CNTN3: variants seen among roughly 807,000 people sequenced by gnomAD.
CNTN3 encodes the protein contactin-3.
CNTN3 carries 60 observed loss-of-function variants against 119.1 expected under a neutral mutation model. That is an observed-to-expected ratio of 0.50 (90% CI 0.41 to 0.62). The LOEUF is 0.62. CNTN3 is among the 20% of genes least tolerant of loss of function. The pLI, the probability that CNTN3 is intolerant of heterozygous loss-of-function variation, is 0.00. For missense variants in CNTN3, 1,101 were observed against 1,242.4 expected, an observed-to-expected ratio of 0.89 and a Z score of 1.71; for synonymous variants, 450 against 438.7, an observed-to-expected ratio of 1.03 and a Z score of -0.32.
chr3:74,365,535 C>T (rs374304587), intron 9 of CNTN3, 31 bp downstream of exon 9: 39 of 1,612,672 alleles, frequency 2.4e-5, no homozygotes, highest in Non-Finnish European at 3.1e-5. Context: ...TACCAGGCCT[C>T]TAAACCCATT....
At chr3:74,437,828 C>T (rs968535389) in intron 4 of CNTN3, among the ~76,000 whole-genome samples, 4 of 151,900 alleles carry the variant, frequency 2.6e-5, no homozygotes, top group African/African-American at 7.3e-5. Context: ...GGTGGTATAT[C>T]TGAGTTTGGA....
chr3:74,592,125 T>C (rs1704713760), intron 1 of CNTN3, among the ~76,000 whole-genome samples: 2 of 151,756 alleles, frequency 1.3e-5, no homozygotes, highest in South Asian at 4.2e-4. Flanking sequence ...CATGAAGAAA[T>C]ACCACTGAGA....
At chr3:74,389,146 T>C (rs1008444910) in intron 5 of CNTN3, among the ~76,000 whole-genome samples, 3 of 152,220 alleles carry the variant, frequency 2.0e-5, no homozygotes, top group Non-Finnish European at 4.4e-5. Context: ...TATGAGTAGA[T>C]ATTTATAGGC....
chr3:74,363,608 G>C (rs924788552), intron 10 of CNTN3, among the ~76,000 whole-genome samples: 2 of 152,046 alleles, frequency 1.3e-5, no homozygotes, highest in Non-Finnish European at 2.9e-5. Flanking sequence ...AGGCTATATG[G>C]GGCCAATGGC....
chr3:74,338,179 C>T (rs999684722), intron 11 of CNTN3, among the ~76,000 whole-genome samples: 2 of 151,860 alleles, frequency 1.3e-5, no homozygotes, highest in Non-Finnish European at 2.9e-5. Flanking sequence ...GTCATATATG[C>T]CAACTATGGT....
chr3:74,473,594 C>G (rs1702603749), intron 4 of CNTN3, among the ~76,000 whole-genome samples: 1 of 152,126 alleles, frequency 6.6e-6, no homozygotes, highest in Non-Finnish European at 1.5e-5. Context: ...CTACTACATT[C>G]CAGGAAAACT....
At chr3:74,571,875 G>A (rs7429759) in intron 1 of CNTN3, among the ~76,000 whole-genome samples, 120,969 of 152,094 alleles carry the variant, frequency 0.8, 48,200 homozygotes, top group African/African-American at 0.82. Context: ...GTTTGTCTTC[G>A]CTCTTTCTGG....
intron 13 of CNTN3, among the ~76,000 whole-genome samples, chr3:74,312,100 G>A (rs1237530021): frequency 1.3e-5 from 2 of 152,090 alleles, no homozygotes; most frequent in East Asian, 1.9e-4. Context: ...CATGTTTCTG[G>A]TAGTTGTGGG....
intron 18 of CNTN3, among the ~76,000 whole-genome samples, chr3:74,296,200 T>C (rs1393105166): frequency 6.6e-6 from 1 of 152,184 alleles, no homozygotes; most frequent in Non-Finnish European, 1.5e-5. Context: ...TCATTTTTCA[T>C]GTTTGAACAG....
At position 74,493,188 on chromosome 3, in the gene CNTN3, A is replaced by T. The variant is rs374695275; in HGVS notation, c.182+6471T>A. Among the ~76,000 whole-genome samples, 4 of 152,276 alleles carry T rather than the reference A, an allele frequency of 2.6e-5. 1 individual carries two copies. Among genetic ancestry groups the T allele is most frequent in the Admixed American group, 2.0e-4 (3 of 15,270 alleles). ...AAACCACACTAGCATATGGAATAAC[A>T]ATAATGAATATAAACACAGATCTAT... On this transcript the variant is annotated intron_variant, in intron 3 of 22. Transcript: ENST00000263665.
intron 20 of CNTN3, among the ~76,000 whole-genome samples, chr3:74,282,968 C>T (rs974993498): frequency 6.6e-6 from 1 of 152,038 alleles, no homozygotes; most frequent in Admixed American, 6.6e-5. Context: ...AGATGAACTC[C>T]AGTTGAATAA....
intron 1 of CNTN3, among the ~76,000 whole-genome samples, chr3:74,555,564 C>T (rs1182398843): frequency 6.6e-6 from 1 of 152,174 alleles, no homozygotes; most frequent in East Asian, 1.9e-4. Context: ...GGTTGGTAGG[C>T]TATTAATTAT....
At chr3:74,476,707 AATG>A (rs1702662135) in intron 4 of CNTN3, among the ~76,000 whole-genome samples, 1 of 152,166 alleles carries the variant, frequency 6.6e-6, no homozygotes, top group African/African-American at 2.4e-5. Context: ...ATCAGAAAAT[AATG>A]ATACTCTGAA....
chr3:74,564,504 G>A (rs777733037), intron 1 of CNTN3, among the ~76,000 whole-genome samples: 3 of 151,460 alleles, frequency 2.0e-5, no homozygotes, highest in Non-Finnish European at 4.4e-5. Flanking sequence ...TACTGGAGAA[G>A]GGCAAAGGCA....
rs141723077 is a variant in CNTN3, at chr3:74,466,197, C to T, written c.358+20259G>A. Among the ~76,000 whole-genome samples the T allele has an allele frequency of 2.1e-3, 314 of 152,086 alleles. 1 individual carries two copies. Among genetic ancestry groups the T allele is most frequent in the African/African-American group, 7.2e-3 (298 of 41,504 alleles). On this transcript the variant is annotated intron_variant, in intron 4 of 22. Coordinates refer to ENST00000263665, the MANE Select transcript of CNTN3 (RefSeq NM_020872.3). ...TAGTGGGAGGGCAAGTGAGTCACACCAAGAGCAGAGAAAACTTAGGAAGAA... is the reference window on the plus strand; with the variant it reads ...TAGTGGGAGGGCAAGTGAGTCACACTAAGAGCAGAGAAAACTTAGGAAGAA...
intron 13 of CNTN3, among the ~76,000 whole-genome samples, chr3:74,312,126 T>C (rs2106641240): frequency 6.6e-6 from 1 of 152,008 alleles, no homozygotes; most frequent in Non-Finnish European, 1.5e-5. Context: ...AACAGACCAT[T>C]TTGAGATACA....
intron 2 of CNTN3, among the ~76,000 whole-genome samples, chr3:74,503,014 G>T (rs550950307): frequency 6.6e-6 from 1 of 152,284 alleles, no homozygotes; most frequent in Admixed American, 6.5e-5. Flanking sequence ...ATATGAGGCA[G>T]ATACTATTTT....
chr3:74,417,979 T>C (rs1464357439), intron 5 of CNTN3, among the ~76,000 whole-genome samples: 1 of 152,192 alleles, frequency 6.6e-6, no homozygotes, highest in African/African-American at 2.4e-5. Flanking sequence ...AGCAGTAATA[T>C]TCTATTGTAC....
At chr3:74,291,340 GA>G (rs1702226407) in intron 19 of CNTN3, among the ~76,000 whole-genome samples, 1 of 152,126 alleles carries the variant, frequency 6.6e-6, no homozygotes, top group Non-Finnish European at 1.5e-5. Context: ...TTGCTATTGT[GA>G]ATAGTGCCAC....
Sources: allele counts gnomAD v4.1 joint callset (sites outside exome capture counted in the v4.1 genomes callset), GRCh38; gene constraint gnomAD v4.1.1; transcripts MANE v1.5; gene names NCBI Gene and HGNC (gene_info 2026-07-23, HGNC 2026-07-21).